The following FBXL17 variants were observed in gnomAD, a reference collection of about 807,000 sequenced individuals.
The protein encoded by FBXL17 is F-box and leucine rich repeat protein 17.
FBXL17 carries 22 observed loss-of-function variants against 66.2 expected under a neutral mutation model. The ratio of observed to expected loss-of-function variants is 0.33; its 90% CI spans 0.24 to 0.47. The LOEUF (loss-of-function observed/expected upper bound fraction) is 0.47. Ranked by LOEUF, FBXL17 falls within the 20% of genes least tolerant of loss-of-function variation. FBXL17 has a pLI of 1.00. For missense variants in FBXL17, 878 were observed against 948.2 expected (o/e 0.93, Z 0.97); for synonymous variants, 474 against 400.5 (o/e 1.18, Z -2.19).
intron 4 of FBXL17, among the ~76,000 whole-genome samples, chr5:108,272,356 ATT>A (rs200279924): frequency 4.2e-4 from 61 of 145,614 alleles, no homozygotes; most frequent in Middle Eastern, 3.5e-3. Context: ...GTTAGCTATA[ATT>A]TTTTTTTTTT....
intron 7 of FBXL17, among the ~76,000 whole-genome samples, chr5:107,921,188 C>T (rs1360811850): frequency 1.3e-5 from 2 of 152,142 alleles, no homozygotes; most frequent in African/African-American, 2.4e-5. Flanking sequence ...AATGGGGGAG[C>T]TGGTCATTGA....
intron 7 of FBXL17, among the ~76,000 whole-genome samples, chr5:107,885,369 T>C (rs769175721): frequency 3.3e-5 from 5 of 152,200 alleles, no homozygotes; most frequent in Admixed American, 6.5e-5. Flanking sequence ...TAAGCACACA[T>C]GCACTTAATT....
chr5:108,362,432 T>C (rs1178585874), intron 3 of FBXL17, among the ~76,000 whole-genome samples: 1 of 152,142 alleles, frequency 6.6e-6, no homozygotes, highest in East Asian at 1.9e-4. Context: ...TGCTAGATGA[T>C]AACAAAATAT....
chr5:108,351,058 T>C (rs1030795877), intron 3 of FBXL17, among the ~76,000 whole-genome samples: 10 of 152,202 alleles, frequency 6.6e-5, no homozygotes, highest in African/African-American at 2.2e-4. Flanking sequence ...TATTCACATA[T>C]AGACATACTA....
chr5:108,057,364 A>T (rs1290664045), intron 6 of FBXL17, among the ~76,000 whole-genome samples: 1 of 152,192 alleles, frequency 6.6e-6, no homozygotes, highest in African/African-American at 2.4e-5. Context: ...CAGAAGAAAT[A>T]GTATGATTTT....
intron 4 of FBXL17, among the ~76,000 whole-genome samples, chr5:108,274,536 T>C (rs1757407713): frequency 6.6e-6 from 1 of 152,154 alleles, no homozygotes; most frequent in South Asian, 2.1e-4. Flanking sequence ...TGCTGTACAA[T>C]TTGTGCAGTT....
At chr5:108,019,597 GTTAA>G (rs946754173) in intron 7 of FBXL17, among the ~76,000 whole-genome samples, 2 of 151,894 alleles carry the variant, frequency 1.3e-5, no homozygotes, top group Non-Finnish European at 2.9e-5. Context: ...CAAAGTATTA[GTTAA>G]TTAACAAATC....
intron 6 of FBXL17, among the ~76,000 whole-genome samples, chr5:108,100,233 C>T (rs573966296): frequency 6.6e-6 from 1 of 152,184 alleles, no homozygotes; most frequent in African/African-American, 2.4e-5. Flanking sequence ...GACTCTGTTT[C>T]TTTAACAAGA....
At chr5:108,255,497 T>C (rs1756537669) in intron 4 of FBXL17, among the ~76,000 whole-genome samples, 1 of 152,134 alleles carries the variant, frequency 6.6e-6, no homozygotes, top group Non-Finnish European at 1.5e-5. Flanking sequence ...TAAAGTAATC[T>C]AATAACTGAT....
intron 6 of FBXL17, among the ~76,000 whole-genome samples, chr5:108,119,070 T>C (rs762129696): frequency 2.8e-4 from 42 of 152,206 alleles, no homozygotes; most frequent in Non-Finnish European, 3.7e-4. Flanking sequence ...TTGCTTTACA[T>C]AGCTGCCATA....
intron 5 of FBXL17, among the ~76,000 whole-genome samples, chr5:108,194,763 G>C (rs1753611767): frequency 6.6e-6 from 1 of 152,066 alleles, no homozygotes. Flanking sequence ...TCTAACCTTG[G>C]CTCCAAGTTA....
chr5:107,971,931 C>T (rs1442181228), intron 7 of FBXL17, among the ~76,000 whole-genome samples: 1 of 152,192 alleles, frequency 6.6e-6, no homozygotes, highest in Non-Finnish European at 1.5e-5. Flanking sequence ...ATACCTTTGG[C>T]AAAGGCCTCA....
intron 7 of FBXL17, among the ~76,000 whole-genome samples, chr5:107,970,987 T>C (rs1453667179): frequency 1.3e-5 from 2 of 152,170 alleles, no homozygotes; most frequent in Non-Finnish European, 2.9e-5. Context: ...ATGCTAGAAA[T>C]TTCAGAAGTG....
intron 3 of FBXL17, among the ~76,000 whole-genome samples, chr5:108,357,120 G>A (rs1173337496): frequency 6.6e-6 from 1 of 151,964 alleles, no homozygotes; most frequent in East Asian, 1.9e-4. Flanking sequence ...GAGAGAAAAA[G>A]TACTTAAAAG....
At chr5:108,216,947 G>C (rs962573633) in intron 5 of FBXL17, among the ~76,000 whole-genome samples, 8 of 152,228 alleles carry the variant, frequency 5.3e-5, no homozygotes. Context: ...TGTATAGTCA[G>C]TGGGATCCCA....
intron 4 of FBXL17, among the ~76,000 whole-genome samples, chr5:108,267,221 G>T (rs547267400): frequency 2.6e-5 from 4 of 151,660 alleles, no homozygotes; most frequent in African/African-American, 2.4e-5. Flanking sequence ...AAATAATAAC[G>T]AAAAATCAAA....
intron 6 of FBXL17, among the ~76,000 whole-genome samples, chr5:108,136,956 A>G (rs924337370): frequency 6.6e-6 from 1 of 152,196 alleles, no homozygotes; most frequent in Non-Finnish European, 1.5e-5. Flanking sequence ...TTTAAAGAAA[A>G]GGTAACATTA....
intron 6 of FBXL17, among the ~76,000 whole-genome samples, chr5:108,047,801 C>T (rs1747315546): frequency 6.6e-6 from 1 of 152,198 alleles, no homozygotes; most frequent in Non-Finnish European, 1.5e-5. Flanking sequence ...CTCCCTGGGC[C>T]TGAGCCCCTA....
chr5:108,127,663 A>AT lies in FBXL17; in HGVS notation c.1745+58453dup, dbSNP rs201953931. Reference sequence around the variant, plus strand: ...TTCCAATTAAAAAAATCTTTAATAGATTTTTTAAAATTCTGCTTCAAAAAA... The same window carrying AT: ...TTCCAATTAAAAAAATCTTTAATAGATTTTTTTAAAATTCTGCTTCAAAAAA... On this transcript the variant is annotated intron_variant, in intron 6 of 8. Coordinates refer to ENST00000542267, the MANE Select transcript of FBXL17 (RefSeq NM_001163315.3). Among the ~76,000 whole-genome samples, 11 of 152,270 alleles carry AT rather than the reference A, an allele frequency of 7.2e-5. 1 individual carries two copies. The highest frequency in any genetic ancestry group is 1.9e-4 in the East Asian group (1 of 5,192).
Sources: allele counts gnomAD v4.1 joint callset (sites outside exome capture counted in the v4.1 genomes callset), GRCh38; gene constraint gnomAD v4.1.1; transcripts MANE v1.5; gene names NCBI Gene and HGNC (gene_info 2026-07-23, HGNC 2026-07-21).